The following TMF1 variants were observed in gnomAD, a reference collection of about 807,000 sequenced individuals.
TMF1 encodes the protein TATA element modulatory factor.
Under a neutral mutation model 126.5 loss-of-function variants are expected in TMF1, and 71 were observed. The ratio of observed to expected loss-of-function variants is 0.56; its 90% CI spans 0.46 to 0.68. TMF1 has a LOEUF of 0.68. Ranked by LOEUF, TMF1 falls within the 30% of genes least tolerant of loss-of-function variation. The pLI is 0.00. For missense variants in TMF1, 1,259 were observed against 1,253.2 expected (o/e 1.00, Z -0.07); for synonymous variants, 461 against 430.5 (o/e 1.07, Z -0.88).
At chr3:69,047,283 G>C (rs1288571249) in intron 2 of TMF1, 75 bp downstream of exon 2, 1 of 1,464,332 alleles carries the variant, frequency 6.8e-7, no homozygotes, top group African/African-American at 1.4e-5. Flanking sequence ...ATGCATCAAT[G>C]AAAGTATTTT....
At chr3:69,051,489 A>C (rs566623608) in intron 1 of TMF1, among the ~76,000 whole-genome samples, 29 of 152,034 alleles carry the variant, frequency 1.9e-4, no homozygotes, top group African/African-American at 7.0e-4. Flanking sequence ...ACAACATAAA[A>C]CCACATTACG....
chr3:69,029,792 T>A, intron 11 of TMF1, 23 bp downstream of exon 11: 1 of 1,572,512 alleles, frequency 6.4e-7, no homozygotes, highest in Non-Finnish European at 8.6e-7. Context: ...CTACCAAAAA[T>A]ATCACTCAGA....
At chr3:69,046,293 C>T in intron 2 of TMF1, among the ~76,000 whole-genome samples, 1 of 57,794 alleles carries the variant, frequency 1.7e-5, no homozygotes, top group South Asian at 4.4e-4. Context: ...CCTTTTTGGA[C>T]TCAAAAAAAT....
chr3:69,024,468 G>T (rs2091755740), intron 15 of TMF1: 2 of 183,770 alleles, frequency 1.1e-5, no homozygotes, highest in Non-Finnish European at 1.1e-5. Context: ...CTAAGGAAAT[G>T]ACATATATTT....
chr3:69,038,612 C>G lies in TMF1; in HGVS notation c.2103G>C (p.Glu701Asp). The G allele has an allele frequency of 6.2e-7, 1 of 1,614,170 alleles. No individual in the cohort carries two copies. Among genetic ancestry groups the G allele is most frequent in the African/African-American group, 1.3e-5 (1 of 75,044 alleles). Residue 701 changes from glutamate (E) to aspartate (D), a missense_variant, in exon 8 of 17, where the codon GAG becomes GAC. By Grantham distance (45) the Glu-to-Asp change is conservative. Coordinates refer to ENST00000398559, the MANE Select transcript of TMF1 (RefSeq NM_007114.3). ...GCTGACGGGCTTCTTCTTGGGCCTT[C>G]TCTAATGCTGCAGAAAGTTCTTCTT... ...KAKEELSAAL[E>D]KAQEEARQQQ...
intron 10 of TMF1, chr3:69,030,484 G>A (rs1184855028): frequency 6.6e-6 from 1 of 152,292 alleles, no homozygotes; most frequent in Non-Finnish European, 1.5e-5. Context: ...CTGACAAACT[G>A]CTTCAAAATT....
intron 10 of TMF1, among the ~76,000 whole-genome samples, chr3:69,031,549 T>C (rs1019376201): frequency 6.6e-6 from 1 of 152,214 alleles, no homozygotes; most frequent in Non-Finnish European, 1.5e-5. Flanking sequence ...ATTTTAATAC[T>C]TGGAGATATT....
rs777052010 is a variant in TMF1, at chr3:69,026,004, G to A, written c.2851C>T (p.Leu951=). 3.1e-6 allele frequency: 5 copies of A among 1,611,542 alleles called. No homozygotes were observed. The highest frequency in any genetic ancestry group is 4.2e-6 in the Non-Finnish European group (5 of 1,178,240). The change falls in exon 14 of 17, where the codon CTG becomes TTG. Residue 951 remains leucine, a synonymous_variant. Coordinates refer to ENST00000398559, the MANE Select transcript of TMF1 (RefSeq NM_007114.3). ...VDMAGLQTSF[L]SQDESHDHSF... ...AAAAAATAAAACATCACCTGAGACA[G>A]AAAAGATGTCTGTAGTCCTGCCATA...
rs1044118970 is a variant in TMF1 at position 69,052,234 on chromosome 3, G to T, written c.-148C>A. 1 of 866,394 alleles carries T rather than the reference G, an allele frequency of 1.2e-6. No homozygotes were observed. Among genetic ancestry groups the T allele is most frequent in the Non-Finnish European group, 1.7e-6 (1 of 594,978 alleles). The allele number at this position is 866,394 out of a possible 1,614,324, so 53.7% of individuals were successfully genotyped here. A position where few individuals can be genotyped will look rare whatever the true frequency, so the allele number is the denominator to read the frequency against. On this transcript the variant is annotated 5_prime_UTR_variant, in exon 1 of 17. Coordinates refer to ENST00000398559, the MANE Select transcript of TMF1 (RefSeq NM_007114.3). ...CCATTACCCCGACAGCCTCCCGCGA[G>T]CCCGGGATGTTACCCTCGGCCGTTC...
intron 8 of TMF1, chr3:69,035,331 G>C: frequency 1.9e-6 from 1 of 529,068 alleles, no homozygotes; most frequent in Non-Finnish European, 3.4e-6. Flanking sequence ...ATTCTGTTAA[G>C]GCAAAGAAAC....
chr3:69,029,027 C>T (rs1328822526), intron 11 of TMF1, among the ~76,000 whole-genome samples: 1 of 150,406 alleles, frequency 6.6e-6, no homozygotes, highest in African/African-American at 2.4e-5. Flanking sequence ...GTTATAATAT[C>T]CTATTACTTT....
At position 69,048,233 on chromosome 3, in the gene TMF1, A is replaced by C; in HGVS notation, c.472T>G (p.Cys158Gly). 2 of 1,614,232 alleles carry C rather than the reference A, an allele frequency of 1.2e-6. No homozygotes were observed. Among genetic ancestry groups the C allele is most frequent in the Non-Finnish European group, 1.7e-6 (2 of 1,180,038 alleles). The change falls in exon 2 of 17, where the codon TGT becomes GGT. Residue 158 changes from cysteine to glycine, a missense_variant. Coordinates refer to ENST00000398559, the MANE Select transcript of TMF1 (RefSeq NM_007114.3). ...GCTGCCAGAGTTTCCCCTGAAACAC[A>C]CAAAGAAGAGTCTTTTACTTGTGAT... ...TESQVKDSSL[C>G]VSGETLAAGT...
chr3:69,035,278 A>G (rs1386331313), intron 8 of TMF1, 163 bp from the exon 9 acceptor site: 2 of 602,022 alleles, frequency 3.3e-6, no homozygotes, highest in East Asian at 5.7e-5. Context: ...TTCATCAAGC[A>G]ATTCTAAAAC....
At chr3:69,044,994 C>A (rs1013259722) in intron 2 of TMF1, among the ~76,000 whole-genome samples, 2 of 152,114 alleles carry the variant, frequency 1.3e-5, no homozygotes, top group African/African-American at 4.8e-5. Flanking sequence ...CTGGAATAAT[C>A]TGCATACACA....
intron 8 of TMF1, chr3:69,035,500 T>C (rs115068738): frequency 2.1e-3 from 335 of 163,412 alleles, no homozygotes; most frequent in African/African-American, 7.7e-3. Flanking sequence ...CATTATAAAC[T>C]ACCATAGCCT....
chr3:69,031,187 A>G (rs997658070), intron 10 of TMF1, among the ~76,000 whole-genome samples: 17 of 152,214 alleles, frequency 1.1e-4, no homozygotes, highest in African/African-American at 4.1e-4. Flanking sequence ...CATTTTTGAA[A>G]TGACAGAATT....
At chr3:69,041,028 C>G (rs1448319272) in intron 5 of TMF1, among the ~76,000 whole-genome samples, 1 of 152,090 alleles carries the variant, frequency 6.6e-6, no homozygotes, top group Non-Finnish European at 1.5e-5. Flanking sequence ...TGAAATTGCT[C>G]TATTTTCTCT....
chr3:69,048,537 T>G lies in TMF1; in HGVS notation c.168A>C (p.Gly56=), dbSNP rs1200462885. ...EPGISSPVSG[G]WDTSTWGLKS... ...TCAACCCCCAGGTTGAAGTATCCCA[T>G]CCTCCACTGACAGGGGAACTTATTC... The change falls in exon 2 of 17, where the codon GGA becomes GGC. Residue 56 remains glycine (G), a synonymous_variant. Transcript: ENST00000398559. 6.2e-7 allele frequency: 1 copy of G among 1,607,278 alleles called. No individual in the cohort carries two copies. Among genetic ancestry groups the G allele is most frequent in the East Asian group, 2.2e-5 (1 of 44,740 alleles).
At chr3:69,026,960 A>G (rs1459128681) in intron 13 of TMF1, among the ~76,000 whole-genome samples, 1 of 152,122 alleles carries the variant, frequency 6.6e-6, no homozygotes, top group Non-Finnish European at 1.5e-5. Flanking sequence ...GTACACGGTA[A>G]TTCTTTCAAT....
Sources: gnomAD v4.1 joint callset for allele counts (sites outside exome capture counted in the v4.1 genomes callset) on GRCh38, gnomAD v4.1.1 for gene constraint, MANE v1.5 for transcripts, NCBI Gene and HGNC (gene_info 2026-07-23, HGNC 2026-07-21) for gene names.